Variants in ETNK1 observed in about 807,000 individuals in gnomAD.
ETNK1 encodes the protein putative protein product of Nbla10396.
A neutral mutation model predicts 45.1 loss-of-function variants in ETNK1; 8 were observed. The observed-to-expected ratio is 0.18, with a 90% CI of 0.10 to 0.32. The LOEUF is 0.32. Among genes scored for constraint, ETNK1 ranks in the 10% least tolerant of loss-of-function variants. ETNK1 has a pLI of 1.00. For synonymous variants in ETNK1, 152 were observed against 151.9 expected (o/e 1.00, Z -0.01); for missense variants, 302 against 430.6 (o/e 0.70, Z 2.64).
intron 5 of ETNK1, among the ~76,000 whole-genome samples, chr12:22,672,227 A>T (rs929238279): frequency 6.6e-6 from 1 of 152,108 alleles, no homozygotes; most frequent in South Asian, 2.1e-4. Flanking sequence ...AGTTTTTTAA[A>T]TGTAAGTGGG....
intron 2 of ETNK1, chr12:22,644,276 G>T: frequency 6.2e-7 from 1 of 1,604,954 alleles, no homozygotes; most frequent in Non-Finnish European, 8.5e-7. Context: ...GGCTGCAGAG[G>T]GTCAAGGCTT....
intron 2 of ETNK1, among the ~76,000 whole-genome samples, chr12:22,647,827 A>G (rs1953825270): frequency 6.6e-6 from 1 of 151,948 alleles, no homozygotes; most frequent in South Asian, 2.1e-4. Context: ...TGAAGCCTTG[A>G]GGGTTTGAAA....
chr12:22,655,025 A>G (rs750161488), intron 2 of ETNK1, among the ~76,000 whole-genome samples: 3 of 152,174 alleles, frequency 2.0e-5, no homozygotes, highest in Admixed American at 6.5e-5. Context: ...TTGGAGTACA[A>G]TTGGTGAGAT....
chr12:22,684,376 A>G (rs561150494), intron 6 of ETNK1, 107 bp from the exon 7 acceptor site: 130 of 735,884 alleles, frequency 1.8e-4, no homozygotes, highest in Middle Eastern at 7.7e-4. Context: ...GAACAGCAAG[A>G]AAGTGTGGTG....
Position 22,673,491 on chromosome 12 carries a change from C to G in ETNK1, c.785-9C>G, listed in dbSNP as rs1302108151. ...AAAATTTTTGAGTGTAGTTTTTTTT[C>G]TTCTAAAGGTGTGAGTGATGTAGAC... On this transcript the variant is annotated splice_polypyrimidine_tract_variant and intron_variant, in intron 5 of 7. Coordinates refer to ENST00000266517, the MANE Select transcript of ETNK1 (RefSeq NM_018638.5). 2 of 1,557,238 alleles carry G rather than the reference C, an allele frequency of 1.3e-6. No homozygotes were observed. Among genetic ancestry groups the G allele is most frequent in the East Asian group, 4.5e-5 (2 of 44,088 alleles).
chr12:22,638,250 G>A (rs1284068577), intron 1 of ETNK1, among the ~76,000 whole-genome samples: 1 of 145,048 alleles, frequency 6.9e-6, no homozygotes, highest in Non-Finnish European at 1.6e-5. Flanking sequence ...TGTCTTTAAG[G>A]TGGGGTTTTT....
Position 22,625,316 on chromosome 12 carries a change from A to G in ETNK1, c.-115A>G. On this transcript the variant is annotated 5_prime_UTR_variant, in exon 1 of 8. Transcript: ENST00000266517. ...CTCGCCCGCCCGTCCCAGCGCCCCC[A>G]GCCCTCCCGCGAGGGCGCCCCGGGA... 2 of 1,600,916 alleles carry G rather than the reference A, an allele frequency of 1.2e-6. No homozygotes were observed. The highest frequency in any genetic ancestry group is 8.5e-7 in the Non-Finnish European group (1 of 1,175,298).
At position 22,685,080 on chromosome 12, in the gene ETNK1, G is replaced by T. The variant is rs1954249546; in HGVS notation, c.*126G>T. Reference sequence around the variant, plus strand: ...TTGGTTATCTTGCTTTATAAATTATGCCTCTAAACAATCAAATCTATTTTT... The same window carrying T: ...TTGGTTATCTTGCTTTATAAATTATTCCTCTAAACAATCAAATCTATTTTT... On this transcript the variant is annotated 3_prime_UTR_variant, in exon 8 of 8. Transcript: ENST00000266517. The T allele has an allele frequency of 3.3e-6, 2 of 610,624 alleles. No individual in the cohort carries two copies. Among genetic ancestry groups the T allele is most frequent in the Non-Finnish European group, 5.5e-6 (2 of 361,070 alleles). 37.8% of individuals were successfully genotyped at this position (610,624 alleles called of 1,614,324 possible). A position where few individuals can be genotyped will look rare whatever the true frequency, so the allele number is the denominator to read the frequency against.
chr12:22,628,615 G>A (rs1208499892), intron 1 of ETNK1, among the ~76,000 whole-genome samples: 2 of 151,888 alleles, frequency 1.3e-5, no homozygotes, highest in South Asian at 4.1e-4. Context: ...AATTCTCAAC[G>A]GACTCTTAAA....
At chr12:22,682,070 T>A (rs1565449785) in intron 6 of ETNK1, among the ~76,000 whole-genome samples, 1 of 152,134 alleles carries the variant, frequency 6.6e-6, no homozygotes, top group Non-Finnish European at 1.5e-5. Context: ...TGTATGTGAT[T>A]TTGTAATTTT....
At chr12:22,681,247 A>C (rs1288849273) in intron 6 of ETNK1, among the ~76,000 whole-genome samples, 1 of 152,096 alleles carries the variant, frequency 6.6e-6, no homozygotes, top group Non-Finnish European at 1.5e-5. Flanking sequence ...TTTTATGGAT[A>C]ATGCTTCTCT....
chr12:22,653,723 AT>A (rs1592125480), intron 2 of ETNK1, among the ~76,000 whole-genome samples: 1 of 152,220 alleles, frequency 6.6e-6, no homozygotes, highest in East Asian at 1.9e-4. Context: ...GCTGAATTTG[AT>A]TTTTAGTAAA....
rs1954272807 is a variant in ETNK1, at chr12:22,687,825, T to C, written c.*2871T>C. 6.6e-6 allele frequency: 1 copy of C among 152,474 alleles called. No homozygotes were observed. Among genetic ancestry groups the C allele is most frequent in the Non-Finnish European group, 1.5e-5 (1 of 67,800 alleles). The allele number at this position is 152,474 out of a possible 1,614,324, so 9.4% of individuals were successfully genotyped here. The stretch of plus-strand genomic sequence containing the variant: ...CTCTTCCCTTTTGTAGAAATTTTTC[T>C]GTAAGGAAATGATTCAGCTTGTTGG... On this transcript the variant is annotated 3_prime_UTR_variant, in exon 8 of 8. Transcript: ENST00000266517.
intron 4 of ETNK1, among the ~76,000 whole-genome samples, chr12:22,665,363 TA>T (rs1240680125): frequency 6.6e-6 from 1 of 152,192 alleles, no homozygotes; most frequent in Non-Finnish European, 1.5e-5. Context: ...GCAGTTTTTG[TA>T]CTATTGATAG....
At chr12:22,666,009 A>G (rs1035482722) in intron 4 of ETNK1, among the ~76,000 whole-genome samples, 3 of 152,164 alleles carry the variant, frequency 2.0e-5, no homozygotes, top group African/African-American at 7.2e-5. Context: ...CACAAGGCAC[A>G]CATACTATGA....
chr12:22,662,880 G>T (rs1954020536), intron 4 of ETNK1, among the ~76,000 whole-genome samples: 1 of 152,178 alleles, frequency 6.6e-6, no homozygotes, highest in African/African-American at 2.4e-5. Flanking sequence ...AAGGTTGATA[G>T]ATATAGCTGA....
In ETNK1 at chr12:22,673,605, A is replaced by T; in HGVS notation, c.890A>T (p.Glu297Val). The T allele has an allele frequency of 6.2e-7, 1 of 1,613,946 alleles. No homozygotes were observed. Among genetic ancestry groups the T allele is most frequent in the Non-Finnish European group, 8.5e-7 (1 of 1,179,910 alleles). The part of the protein sequence containing the change: ...AYKEFKGFGT[E>V]VTEKEVEILF... ...AAAGAATTTAAGGGCTTTGGGACTG[A>T]AGTTACTGAAAAGGAGGTAGAAATA... The change falls in exon 6 of 8, where the codon GAA becomes GTA. Residue 297 changes from glutamate to valine, a missense_variant. By Grantham distance (121) the Glu-to-Val change is moderately radical. Transcript: ENST00000266517.
At position 22,658,973 on chromosome 12, in the gene ETNK1, A is replaced by G. The variant is rs200193059; in HGVS notation, c.417-41A>G. The stretch of plus-strand genomic sequence containing the variant: ...TTTGTCAGGAGACATGACCTTTATG[A>G]TACTTAAGTTTTTCTTTTTATGCGG... On this transcript the variant is annotated intron_variant, in intron 2 of 7. Coordinates refer to ENST00000266517, the MANE Select transcript of ETNK1 (RefSeq NM_018638.5). 32 of 1,590,596 alleles carry G rather than the reference A, an allele frequency of 2.0e-5. No individual in the cohort carries two copies. The African/African-American group carries it at 3.5e-4, about 17-fold the overall frequency.
At chr12:22,653,222 T>C (rs1022712676) in intron 2 of ETNK1, among the ~76,000 whole-genome samples, 20 of 152,182 alleles carry the variant, frequency 1.3e-4, no homozygotes, top group African/African-American at 4.8e-4. Flanking sequence ...CTGTATGTTT[T>C]TCTTTGTGAC....
Sources: gnomAD v4.1 joint callset for allele counts (sites outside exome capture counted in the v4.1 genomes callset) on GRCh38, gnomAD v4.1.1 for gene constraint, MANE v1.5 for transcripts, NCBI Gene and HGNC (gene_info 2026-07-23, HGNC 2026-07-21) for gene names.